PTPRG: variants seen among roughly 807,000 people sequenced by gnomAD.
PTPRG encodes the protein protein tyrosine phosphatase receptor type G.
Under a neutral mutation model 165.3 loss-of-function variants are expected in PTPRG, and 102 were observed. The observed-to-expected ratio is 0.62, with a 90% CI of 0.53 to 0.73. The LOEUF is 0.73. Ranked by LOEUF, PTPRG falls within the 30% of genes least tolerant of loss-of-function variation. The probability of loss-of-function intolerance (pLI) is 0.00; values close to 1 mark genes in which losing one functional copy is unlikely to be tolerated. For missense variants in PTPRG, 1,866 were observed against 1,861.4 expected, an observed-to-expected ratio of 1.00 and a Z score of -0.05; for synonymous variants, 675 against 669.5, an observed-to-expected ratio of 1.01 and a Z score of -0.13.
chr3:61,752,050 T>C (rs2033455404), intron 2 of PTPRG, among the ~76,000 whole-genome samples: 1 of 152,136 alleles, frequency 6.6e-6, no homozygotes, highest in Non-Finnish European at 1.5e-5. Flanking sequence ...GTAGTTAATA[T>C]TACTTCTTGC....
At chr3:61,716,392 A>T in intron 1 of PTPRG, among the ~76,000 whole-genome samples, 1 of 152,222 alleles carries the variant, frequency 6.6e-6, no homozygotes, top group East Asian at 1.9e-4. Context: ...CAAAGCAAAG[A>T]CAAAACACAA....
At chr3:61,812,288 A>G (rs1156334612) in intron 2 of PTPRG, among the ~76,000 whole-genome samples, 1 of 142,460 alleles carries the variant, frequency 7.0e-6, no homozygotes, top group Non-Finnish European at 1.5e-5. Flanking sequence ...CCATTCATTC[A>G]TTCATTCATT....
intron 1 of PTPRG, among the ~76,000 whole-genome samples, chr3:61,664,063 T>C (rs1023753972): frequency 1.3e-5 from 2 of 152,212 alleles, no homozygotes; most frequent in South Asian, 4.1e-4. Flanking sequence ...AGAACGAATG[T>C]GAAGTTTTGA....
At chr3:61,693,421 A>C (rs553251213) in intron 1 of PTPRG, among the ~76,000 whole-genome samples, 101 of 152,272 alleles carry the variant, frequency 6.6e-4, no homozygotes, top group South Asian at 4.4e-3. Flanking sequence ...TGCATAGGTA[A>C]TGTGTCATAA....
chr3:61,616,452 CCTT>C (rs558710832), intron 1 of PTPRG, among the ~76,000 whole-genome samples: 205 of 152,298 alleles, frequency 1.3e-3, no homozygotes, highest in African/African-American at 4.8e-3. Flanking sequence ...TTGTGGGACT[CCTT>C]CTGTGACAAG....
intron 2 of PTPRG, among the ~76,000 whole-genome samples, chr3:61,959,445 A>G (rs1037185817): frequency 2.0e-5 from 3 of 152,194 alleles, no homozygotes; most frequent in Admixed American, 6.5e-5. Flanking sequence ...GGCACGTGCA[A>G]CCTGGATCCC....
At chr3:61,928,086 T>G (rs2039269331) in intron 2 of PTPRG, among the ~76,000 whole-genome samples, 1 of 152,166 alleles carries the variant, frequency 6.6e-6, no homozygotes, top group Non-Finnish European at 1.5e-5. Context: ...TATGCACTAT[T>G]TCTCTTCTGC....
chr3:62,286,813 C>A (rs1056492077), intron 28 of PTPRG, among the ~76,000 whole-genome samples: 11 of 152,008 alleles, frequency 7.2e-5, no homozygotes, highest in African/African-American at 1.7e-4. Context: ...GCACCAAGTC[C>A]CTGTAGTTTT....
intron 1 of PTPRG, among the ~76,000 whole-genome samples, chr3:61,676,618 T>C (rs1386527305): frequency 6.6e-6 from 1 of 151,940 alleles, no homozygotes; most frequent in Non-Finnish European, 1.5e-5. Context: ...CTTGGCGCCT[T>C]GATATATTTT....
intron 2 of PTPRG, among the ~76,000 whole-genome samples, chr3:61,774,234 G>C (rs1308234257): frequency 6.6e-6 from 1 of 152,242 alleles, no homozygotes; most frequent in African/African-American, 2.4e-5. Context: ...TTTGATGACT[G>C]AGGGGTTCCC....
chr3:62,258,062 C>A (rs561356814), intron 16 of PTPRG, among the ~76,000 whole-genome samples: 1 of 152,046 alleles, frequency 6.6e-6, no homozygotes, highest in South Asian at 2.1e-4. Flanking sequence ...GATCATGCCT[C>A]GGTGCCTTAA....
At chr3:61,575,624 T>A (rs903939936) in intron 1 of PTPRG, among the ~76,000 whole-genome samples, 2 of 136,930 alleles carry the variant, frequency 1.5e-5, no homozygotes, top group Non-Finnish European at 3.0e-5. Context: ...TTTTTTGAGA[T>A]GGAGTCTCGC....
chr3:62,284,067 T>G (rs1702549448), intron 28 of PTPRG, among the ~76,000 whole-genome samples: 2 of 152,078 alleles, frequency 1.3e-5, no homozygotes, highest in African/African-American at 4.8e-5. Flanking sequence ...TTAGGGCATT[T>G]TCTAGAATTC....
chr3:61,996,031 T>G (rs1420521759), intron 3 of PTPRG, among the ~76,000 whole-genome samples: 1 of 152,172 alleles, frequency 6.6e-6, no homozygotes, highest in Non-Finnish European at 1.5e-5. Context: ...TTTCACTCCT[T>G]GCTCCTAGCA....
intron 5 of PTPRG, among the ~76,000 whole-genome samples, chr3:62,079,014 A>G (rs1452010765): frequency 6.6e-6 from 1 of 152,198 alleles, no homozygotes; most frequent in African/African-American, 2.4e-5. Flanking sequence ...TGACCTAGCG[A>G]CTACATAAAG....
chr3:61,885,351 G>A (rs2037998784), intron 2 of PTPRG, among the ~76,000 whole-genome samples: 1 of 151,730 alleles, frequency 6.6e-6, no homozygotes, highest in Non-Finnish European at 1.5e-5. Flanking sequence ...GAAGATTACA[G>A]AGGCAAAAAT....
intron 1 of PTPRG, among the ~76,000 whole-genome samples, chr3:61,654,031 G>A (rs1242896776): frequency 6.6e-6 from 1 of 152,182 alleles, no homozygotes; most frequent in Non-Finnish European, 1.5e-5. Context: ...AGGCATAGAG[G>A]GAACATGAGA....
intron 16 of PTPRG, among the ~76,000 whole-genome samples, chr3:62,257,974 A>C (rs1159425354): frequency 1.3e-5 from 2 of 152,042 alleles, no homozygotes; most frequent in Non-Finnish European, 2.9e-5. Context: ...AGGAAAAAAC[A>C]CCAAAAAGCC....
chr3:61,638,134 A>G (rs1268673190), intron 1 of PTPRG, among the ~76,000 whole-genome samples: 2 of 152,222 alleles, frequency 1.3e-5, no homozygotes, highest in African/African-American at 4.8e-5. Context: ...TATTATTTGC[A>G]GGTATTCCCA....
Sources: gnomAD v4.1 joint callset for allele counts (sites outside exome capture counted in the v4.1 genomes callset) on GRCh38, gnomAD v4.1.1 for gene constraint, MANE v1.5 for transcripts, NCBI Gene and HGNC (gene_info 2026-07-23, HGNC 2026-07-21) for gene names.